Variants in SORBS2 observed in about 807,000 individuals in gnomAD.
SORBS2 encodes sorbin and SH3 domain containing 2, also known as sorbin and SH3 domain-containing protein 2.
Under a neutral mutation model 97.7 loss-of-function variants are expected in SORBS2, and 46 were observed. The ratio of observed to expected loss-of-function variants is 0.47; its 90% CI spans 0.37 to 0.60. The LOEUF is 0.60. SORBS2 is among the 20% of genes least tolerant of loss of function. The probability of loss-of-function intolerance (pLI) is 0.00; values close to 1 mark genes in which losing one functional copy is unlikely to be tolerated. For synonymous variants in SORBS2, 476 were observed against 473.4 expected (o/e 1.01, Z -0.07); for missense variants, 1,316 against 1,282.3 (o/e 1.03, Z -0.40).
In SORBS2 at chr4:185,607,386, ATAAAC is replaced by A. The variant is rs1561372994; in HGVS notation, c.2796+4389_2796+4393del. 8 of 1,111,782 alleles carry A rather than the reference ATAAAC, an allele frequency of 7.2e-6. No individual in the cohort carries two copies. The highest frequency in any genetic ancestry group is 9.7e-6 in the Non-Finnish European group (8 of 827,930). 68.9% of individuals were successfully genotyped at this position (1,111,782 alleles called of 1,614,324 possible). A position where few individuals can be genotyped will look rare whatever the true frequency, so the allele number is the denominator to read the frequency against. ...GCACGGATTATGAAGTTAAGAAAAAATAAACTAAGAAAATAATAATAATGCATCAA... is the reference window on the plus strand; with the variant it reads ...GCACGGATTATGAAGTTAAGAAAAAATAAGAAAATAATAATAATGCATCAA... On this transcript the variant is annotated intron_variant, in intron 12 of 14. Transcript: ENST00000418609. The surrounding 1 kb of genome is among the most constrained non-coding windows in gnomAD (Gnocchi z 5.2).
intron 1 of SORBS2, among the ~76,000 whole-genome samples, chr4:185,840,687 T>C (rs913345230): frequency 2.6e-5 from 4 of 152,304 alleles, no homozygotes; most frequent in Middle Eastern, 3.4e-3. Flanking sequence ...CTTTAAAAAA[T>C]AATTAGGGGG....
Position 185,595,766 on chromosome 4 carries a change from C to CT in SORBS2, c.2797-1832dup, listed in dbSNP as rs33913195. 6.4e-3 allele frequency among the ~76,000 whole-genome samples: 906 copies of CT among 142,346 alleles called. 6 individuals are homozygous for CT. Among genetic ancestry groups the CT allele is most frequent in the African/African-American group, 0.02 (805 of 39,944 alleles). The allele number at this position is 142,346 out of a possible 152,430, so 93.4% of individuals were successfully genotyped here. A position where few individuals can be genotyped will look rare whatever the true frequency, so the allele number is the denominator to read the frequency against. ...GTTTTGAAGTTAGAATTGGTCTAGT[C>CT]TTTTTTTTTTTGCTATCATAAACAG... is the stretch of plus-strand genomic sequence containing the variant. On this transcript the variant is annotated intron_variant, in intron 12 of 14. Coordinates refer to ENST00000418609, the Ensembl canonical transcript of SORBS2.
At chr4:185,682,068 A>G (rs2097878295) in intron 2 of SORBS2, among the ~76,000 whole-genome samples, 1 of 152,210 alleles carries the variant, frequency 6.6e-6, no homozygotes, top group East Asian at 1.9e-4. Flanking sequence ...TCTATGTACA[A>G]TTATAACCCT....
At chr4:185,821,002 A>G (rs2099196470) in intron 1 of SORBS2, among the ~76,000 whole-genome samples, 2 of 152,170 alleles carry the variant, frequency 1.3e-5, no homozygotes, top group South Asian at 4.1e-4. Context: ...CATTTCTTCA[A>G]CCTGAACTAA....
At chr4:185,895,208 C>G (rs951762643) in intron 1 of SORBS2, among the ~76,000 whole-genome samples, 5 of 152,230 alleles carry the variant, frequency 3.3e-5, no homozygotes, top group African/African-American at 1.2e-4. Context: ...AGCCCTGATG[C>G]CACTGAAGCA....
At chr4:185,621,859 T>A (rs1477371462) in intron 7 of SORBS2, among the ~76,000 whole-genome samples, 2 of 152,222 alleles carry the variant, frequency 1.3e-5, no homozygotes, top group Non-Finnish European at 1.5e-5. Flanking sequence ...CTTTCCTCTC[T>A]GGGCCCAACT....
At chr4:185,777,723 G>A (rs1387021584) in intron 1 of SORBS2, among the ~76,000 whole-genome samples, 5 of 152,046 alleles carry the variant, frequency 3.3e-5, no homozygotes, top group African/African-American at 7.3e-5. Flanking sequence ...AGCTCAATGC[G>A]GCTAGTCAGA....
intron 1 of SORBS2, among the ~76,000 whole-genome samples, chr4:185,790,140 T>C (rs568925935): frequency 4.3e-4 from 66 of 152,058 alleles, no homozygotes; most frequent in African/African-American, 1.5e-3. Flanking sequence ...TTTAATAGCA[T>C]AGTGTTGGAT....
chr4:185,928,825 C>A (rs901371274), intron 1 of SORBS2, among the ~76,000 whole-genome samples: 1 of 152,168 alleles, frequency 6.6e-6, no homozygotes, highest in Non-Finnish European at 1.5e-5. Flanking sequence ...GGATTCCAGG[C>A]GTGAGCCACC....
At chr4:185,827,979 C>G (rs62335732) in intron 1 of SORBS2, among the ~76,000 whole-genome samples, 1 of 38,088 alleles carries the variant, frequency 2.6e-5, no homozygotes, top group Non-Finnish European at 7.3e-5. Flanking sequence ...CATCTCATCA[C>G]CATCATCATC....
At chr4:185,849,127 C>T (rs548793008) in intron 1 of SORBS2, among the ~76,000 whole-genome samples, 2 of 152,254 alleles carry the variant, frequency 1.3e-5, no homozygotes, top group Admixed American at 6.5e-5. Context: ...GAAACAAGCA[C>T]TGTTGTTCCA....
intron 1 of SORBS2, among the ~76,000 whole-genome samples, chr4:185,814,866 T>C (rs1331032388): frequency 6.6e-6 from 1 of 152,248 alleles, no homozygotes; most frequent in African/African-American, 2.4e-5. Flanking sequence ...CCCTCCCTTG[T>C]AACTTGGTGC....
At chr4:185,938,967 G>A (rs181104677) in intron 1 of SORBS2, among the ~76,000 whole-genome samples, 36 of 152,174 alleles carry the variant, frequency 2.4e-4, no homozygotes, top group South Asian at 1.7e-3. Flanking sequence ...ATCACTACGC[G>A]GCTCAATCAG....
At chr4:185,748,993 G>A (rs917221528) in intron 2 of SORBS2, among the ~76,000 whole-genome samples, 1 of 152,228 alleles carries the variant, frequency 6.6e-6, no homozygotes, top group Non-Finnish European at 1.5e-5. Context: ...CAAACTCAGA[G>A]CACGGCAGAA....
intron 1 of SORBS2, among the ~76,000 whole-genome samples, chr4:185,914,914 G>C (rs2099257243): frequency 6.6e-6 from 1 of 152,218 alleles, no homozygotes; most frequent in East Asian, 1.9e-4. Context: ...GGGGTCGTTT[G>C]ATCCCTGCTG....
At chr4:185,615,365 CAG>C (rs1381569792) in intron 9 of SORBS2, 5 of 567,436 alleles carry the variant, frequency 8.8e-6, no homozygotes, top group Non-Finnish European at 1.6e-5. Flanking sequence ...TGATTTCAAA[CAG>C]AGTAAGTATA....
intron 1 of SORBS2, among the ~76,000 whole-genome samples, chr4:185,871,205 C>G (rs911513844): frequency 3.9e-5 from 6 of 152,008 alleles, no homozygotes; most frequent in Admixed American, 1.3e-4. Flanking sequence ...TGTACCTTAA[C>G]AAAAAGTTAG....
chr4:185,708,026 C>T (rs979593033), intron 2 of SORBS2, among the ~76,000 whole-genome samples: 2 of 152,214 alleles, frequency 1.3e-5, no homozygotes, highest in Admixed American at 6.5e-5. Context: ...ATAGGATGGT[C>T]AGGCCCATCT....
intron 1 of SORBS2, among the ~76,000 whole-genome samples, chr4:185,828,661 C>T (rs2153673080): frequency 6.6e-6 from 1 of 152,278 alleles, no homozygotes; most frequent in South Asian, 2.1e-4. Context: ...ATCACAGCAA[C>T]ACGAGATCCT....
Sources: gnomAD v4.1 joint callset for allele counts (sites outside exome capture counted in the v4.1 genomes callset) on GRCh38, gnomAD v4.1.1 for gene constraint, Gnocchi (gnomAD v3.1) non-coding constraint, MANE v1.5 for transcripts, NCBI Gene and HGNC (gene_info 2026-07-23, HGNC 2026-07-21) for gene names.